The following LRRC4C variants were observed in gnomAD, a reference collection of about 807,000 sequenced individuals.
LRRC4C encodes the protein leucine rich repeat containing 4C.
LRRC4C carries 5 observed loss-of-function variants against 33.6 expected under a neutral mutation model. The ratio of observed to expected loss-of-function variants is 0.15; its 90% CI spans 0.08 to 0.31. The LOEUF (loss-of-function observed/expected upper bound fraction) is 0.31. LRRC4C is among the 10% of genes least tolerant of loss of function. The pLI is 1.00. For synonymous variants in LRRC4C, 329 were observed against 302.0 expected, an observed-to-expected ratio of 1.09 and a Z score of -0.93; for missense variants, 560 against 796.7, an observed-to-expected ratio of 0.70 and a Z score of 3.58.
intron 1 of LRRC4C, among the ~76,000 whole-genome samples, chr11:41,378,835 C>A (rs984876981): frequency 6.6e-6 from 1 of 151,668 alleles, no homozygotes; most frequent in African/African-American, 2.4e-5. Flanking sequence ...ATTTTTAATG[C>A]AAGTTGAAAT....
chr11:40,971,434 G>A (rs1851720856), intron 1 of LRRC4C, among the ~76,000 whole-genome samples: 1 of 152,194 alleles, frequency 6.6e-6, no homozygotes, highest in African/African-American at 2.4e-5. Context: ...TAGGCCTGGG[G>A]GAGGAGGGAA....
chr11:40,218,299 A>G (rs1864119715), intron 5 of LRRC4C, among the ~76,000 whole-genome samples: 1 of 152,142 alleles, frequency 6.6e-6, no homozygotes, highest in African/African-American at 2.4e-5. Flanking sequence ...TTGAATTTTA[A>G]AGTGAACTCA....
At chr11:40,896,828 C>T (rs1365254805) in intron 2 of LRRC4C, among the ~76,000 whole-genome samples, 2 of 152,212 alleles carry the variant, frequency 1.3e-5, no homozygotes, top group South Asian at 2.1e-4. Flanking sequence ...AGGTGCTGTG[C>T]TTGGCACTGT....
intron 4 of LRRC4C, among the ~76,000 whole-genome samples, chr11:40,257,954 A>G (rs889618745): frequency 6.6e-6 from 1 of 152,224 alleles, no homozygotes; most frequent in Non-Finnish European, 1.5e-5. Flanking sequence ...GCTAACGGCT[A>G]TAACAGGTCC....
intron 1 of LRRC4C, among the ~76,000 whole-genome samples, chr11:41,304,980 C>T (rs1315942546): frequency 1.6e-4 from 17 of 106,858 alleles, no homozygotes; most frequent in Admixed American, 3.9e-4. Flanking sequence ...CGCCTCTGCC[C>T]GGCCGCCCCT....
At chr11:41,233,518 T>G (rs1215586785) in intron 1 of LRRC4C, among the ~76,000 whole-genome samples, 1 of 151,992 alleles carries the variant, frequency 6.6e-6, no homozygotes, top group Non-Finnish European at 1.5e-5. Context: ...TTGAGCAGGC[T>G]TGTATAAACT....
intron 1 of LRRC4C, among the ~76,000 whole-genome samples, chr11:41,322,833 G>A (rs1950997747): frequency 6.6e-6 from 1 of 152,132 alleles, no homozygotes; most frequent in South Asian, 2.1e-4. Context: ...TGATTAATGG[G>A]ACAGGTAGAA....
At chr11:41,266,432 A>C (rs1949154076) in intron 1 of LRRC4C, among the ~76,000 whole-genome samples, 1 of 152,124 alleles carries the variant, frequency 6.6e-6, no homozygotes, top group Non-Finnish European at 1.5e-5. Flanking sequence ...AGAATTTATA[A>C]ACCTGACTTT....
intron 3 of LRRC4C, among the ~76,000 whole-genome samples, chr11:40,563,354 G>T (rs1957629165): frequency 6.6e-6 from 1 of 152,114 alleles, no homozygotes; most frequent in Non-Finnish European, 1.5e-5. Flanking sequence ...GTAACTTGGG[G>T]AAAAGCCTGG....
intron 2 of LRRC4C, among the ~76,000 whole-genome samples, chr11:40,898,150 T>C (rs1432059525): frequency 6.6e-6 from 1 of 150,664 alleles, no homozygotes; most frequent in Non-Finnish European, 1.5e-5. Context: ...AGGTCGGGAG[T>C]TCGAGATCAG....
chr11:40,307,004 A>ATCTATGTATC, intron 4 of LRRC4C, among the ~76,000 whole-genome samples: 1 of 149,734 alleles, frequency 6.7e-6, no homozygotes, highest in East Asian at 2.0e-4. Flanking sequence ...GTATCTATGT[A>ATCTATGTATC]TCTATCTATC....
intron 3 of LRRC4C, among the ~76,000 whole-genome samples, chr11:40,554,558 G>A (rs1175193152): frequency 6.6e-6 from 1 of 151,966 alleles, no homozygotes; most frequent in Non-Finnish European, 1.5e-5. Context: ...GGGCAGTATG[G>A]CCATGTTAAC....
intron 5 of LRRC4C, among the ~76,000 whole-genome samples, chr11:40,215,065 T>C (rs1388159410): frequency 1.3e-5 from 2 of 152,170 alleles, no homozygotes; most frequent in Non-Finnish European, 2.9e-5. Flanking sequence ...GGGTGCCAAA[T>C]GCTTCGATTG....
intron 5 of LRRC4C, among the ~76,000 whole-genome samples, chr11:40,231,998 T>A (rs1401196759): frequency 6.6e-6 from 1 of 152,148 alleles, no homozygotes; most frequent in African/African-American, 2.4e-5. Context: ...GTCAACTTTG[T>A]CTTTTAGCTA....
intron 1 of LRRC4C, among the ~76,000 whole-genome samples, chr11:41,254,109 G>T (rs1350200274): frequency 2.6e-5 from 4 of 151,980 alleles, no homozygotes; most frequent in Non-Finnish European, 5.9e-5. Flanking sequence ...TATAAGGAAA[G>T]AAATTAATAT....
chr11:40,607,226 A>C (rs1960713220), intron 3 of LRRC4C, among the ~76,000 whole-genome samples: 1 of 152,170 alleles, frequency 6.6e-6, no homozygotes, highest in Admixed American at 6.5e-5. Flanking sequence ...TTTAAATCGA[A>C]ATTGGTACAG....
intron 1 of LRRC4C, among the ~76,000 whole-genome samples, chr11:41,284,480 G>A (rs1189184097): frequency 6.6e-6 from 1 of 152,126 alleles, no homozygotes; most frequent in Non-Finnish European, 1.5e-5. Context: ...CCATTTGGAA[G>A]TGGGAGAAGA....
chr11:41,179,544 G>A (rs541552392), intron 1 of LRRC4C, among the ~76,000 whole-genome samples: 71 of 152,084 alleles, frequency 4.7e-4, no homozygotes, highest in Admixed American at 2.8e-3. Context: ...TACTTTCCTC[G>A]TATTTTATTT....
chr11:40,685,381 G>A (rs1310177474), intron 2 of LRRC4C, among the ~76,000 whole-genome samples: 1 of 151,906 alleles, frequency 6.6e-6, no homozygotes. Context: ...TTAATAAAAA[G>A]TGAATGGATA....
Sources: gnomAD v4.1 joint callset for allele counts (sites outside exome capture counted in the v4.1 genomes callset) on GRCh38, gnomAD v4.1.1 for gene constraint, MANE v1.5 for transcripts, NCBI Gene and HGNC (gene_info 2026-07-23, HGNC 2026-07-21) for gene names.